Variants in PDSS2 observed in about 807,000 individuals in gnomAD.
PDSS2 encodes all trans-polyprenyl-diphosphate synthase PDSS2.
PDSS2 carries 31 observed loss-of-function variants against 44.5 expected under a neutral mutation model. The observed-to-expected ratio is 0.70, with a 90% confidence interval of 0.52 to 0.94. The LOEUF is 0.94. Ranked by LOEUF, PDSS2 falls within the 40% of genes least tolerant of loss-of-function variation. The pLI, the probability that PDSS2 is intolerant of heterozygous loss-of-function variation, is 0.00. For missense variants in PDSS2, 452 were observed against 482.2 expected, an observed-to-expected ratio of 0.94 and a Z score of 0.59; for synonymous variants, 157 against 180.3, an observed-to-expected ratio of 0.87 and a Z score of 1.03.
intron 3 of PDSS2, among the ~76,000 whole-genome samples, chr6:107,251,920 A>T (rs1774833856): frequency 6.6e-6 from 1 of 152,332 alleles, no homozygotes; most frequent in Admixed American, 6.5e-5. Flanking sequence ...GGGACTAAAG[A>T]GTGGCACCCT....
intron 7 of PDSS2, among the ~76,000 whole-genome samples, chr6:107,182,603 G>A (rs1041646814): frequency 1.2e-4 from 19 of 152,168 alleles, no homozygotes; most frequent in African/African-American, 4.6e-4. Flanking sequence ...GGGATTACAG[G>A]CATAAACCAC....
At chr6:107,222,708 C>T (rs1043120741) in intron 4 of PDSS2, among the ~76,000 whole-genome samples, 10 of 150,956 alleles carry the variant, frequency 6.6e-5, no homozygotes, top group Middle Eastern at 3.2e-3. Flanking sequence ...CAAGATTAGA[C>T]CGTAGTATGT....
chr6:107,360,407 T>A (rs1293064734), intron 1 of PDSS2, among the ~76,000 whole-genome samples: 2 of 152,134 alleles, frequency 1.3e-5, no homozygotes, highest in Non-Finnish European at 2.9e-5. Context: ...AAAAAGGCAC[T>A]AAGAGAGAAA....
chr6:107,224,151 A>G lies in PDSS2; in HGVS notation c.703-11869T>C, dbSNP rs532400161. ...TGTGCAAGGATGAGGTAAAGTGGGG[A>G]TTGAGAAGCAACAACAATATGAGCT... On this transcript the variant is annotated intron_variant, in intron 4 of 7. Coordinates refer to ENST00000369037, the MANE Select transcript of PDSS2 (RefSeq NM_020381.4). Among the ~76,000 whole-genome samples, 194 of 151,420 alleles carry G rather than the reference A, an allele frequency of 1.3e-3. 7 individuals carry two copies. Among genetic ancestry groups the G allele is most frequent in the African/African-American group, 4.6e-3 (189 of 40,748 alleles).
chr6:107,179,757 T>C (rs1209325554), intron 7 of PDSS2, among the ~76,000 whole-genome samples: 2 of 152,144 alleles, frequency 1.3e-5, no homozygotes, highest in Non-Finnish European at 2.9e-5. Context: ...TCAGGAAAGA[T>C]GGTTAAGTAC....
intron 1 of PDSS2, among the ~76,000 whole-genome samples, chr6:107,439,645 C>T (rs1781457843): frequency 6.6e-6 from 1 of 152,162 alleles, no homozygotes; most frequent in Admixed American, 6.5e-5. Context: ...TCCTGAGAAT[C>T]AGCTGAGAGG....
At position 107,247,391 on chromosome 6, in the gene PDSS2, A is replaced by G. The variant is rs533551051; in HGVS notation, c.631-1772T>C. 3.3e-5 allele frequency among the ~76,000 whole-genome samples: 5 copies of G among 152,348 alleles called. No individual in the cohort carries two copies. The East Asian group carries it at 9.6e-4, about 29-fold the overall frequency. The stretch of plus-strand genomic sequence containing the variant: ...AAATTCCAGACCAGGCAGAAGCAAC[A>G]AGAACATTTTGTTCTCTGACTCTTT... On this transcript the variant is annotated intron_variant, in intron 3 of 7. Coordinates refer to ENST00000369037, the MANE Select transcript of PDSS2 (RefSeq NM_020381.4).
At chr6:107,189,761 T>C (rs551496301) in intron 7 of PDSS2, among the ~76,000 whole-genome samples, 2 of 152,278 alleles carry the variant, frequency 1.3e-5, no homozygotes, top group South Asian at 4.1e-4. Flanking sequence ...TGCACCATAT[T>C]TTTCTCTTTG....
intron 2 of PDSS2, among the ~76,000 whole-genome samples, chr6:107,308,587 G>GTA (rs1460018481): frequency 6.6e-6 from 1 of 152,178 alleles, no homozygotes; most frequent in Non-Finnish European, 1.5e-5. Context: ...TGCTGTAGGG[G>GTA]TACACAGTTA....
At chr6:107,270,495 T>C (rs779248858) in intron 3 of PDSS2, among the ~76,000 whole-genome samples, 5 of 152,180 alleles carry the variant, frequency 3.3e-5, no homozygotes, top group Middle Eastern at 3.2e-3. Context: ...TCCCAAATCA[T>C]ATAGTTCAGT....
At chr6:107,232,387 C>T (rs73763769) in intron 4 of PDSS2, among the ~76,000 whole-genome samples, 45 of 152,250 alleles carry the variant, frequency 3.0e-4, no homozygotes, top group African/African-American at 1.1e-3. Flanking sequence ...ATTCCTTGGA[C>T]AGATTAAGGC....
intron 4 of PDSS2, among the ~76,000 whole-genome samples, chr6:107,235,270 C>T: frequency 6.6e-6 from 1 of 152,162 alleles, no homozygotes; most frequent in East Asian, 1.9e-4. Flanking sequence ...TCCCTAAAGT[C>T]TTCGGCTGAG....
chr6:107,350,680 C>T (rs1053777897), intron 1 of PDSS2, among the ~76,000 whole-genome samples: 88 of 152,166 alleles, frequency 5.8e-4, no homozygotes, highest in African/African-American at 2.0e-3. Flanking sequence ...CATGGTGGCA[C>T]ATGCCTGTCA....
intron 5 of PDSS2, among the ~76,000 whole-genome samples, chr6:107,210,816 CA>C (rs1190043568): frequency 1.3e-5 from 2 of 150,848 alleles, no homozygotes; most frequent in African/African-American, 4.9e-5. Flanking sequence ...CCAGCCTGGT[CA>C]AAATGGCGAA....
chr6:107,216,547 G>A (rs1018896960), intron 4 of PDSS2, among the ~76,000 whole-genome samples: 1 of 151,766 alleles, frequency 6.6e-6, no homozygotes, highest in African/African-American at 2.4e-5. Context: ...AACTGAATGC[G>A]CAAAACTGAA....
chr6:107,344,779 G>A (rs1778189199), intron 1 of PDSS2, among the ~76,000 whole-genome samples: 1 of 152,134 alleles, frequency 6.6e-6, no homozygotes, highest in African/African-American at 2.4e-5. Flanking sequence ...TTAAAAAGAA[G>A]TATAAAATGT....
rs532080445 is a variant in PDSS2, at chr6:107,180,483, G to T, written c.1041+13339C>A. Reference sequence around the variant, plus strand: ...ATTAAATATTCCTTATGAATTAGAAGAACAGAGGTTAGGCAAAAACGCGCA... The same window carrying T: ...ATTAAATATTCCTTATGAATTAGAATAACAGAGGTTAGGCAAAAACGCGCA... On this transcript the variant is annotated intron_variant, in intron 7 of 7. Coordinates refer to ENST00000369037, the MANE Select transcript of PDSS2 (RefSeq NM_020381.4). Among the ~76,000 whole-genome samples the T allele has an allele frequency of 1.7e-4, 26 of 152,298 alleles. No homozygotes were observed. The South Asian group carries it at 1.9e-3, about 11-fold the overall frequency.
Position 107,259,297 on chromosome 6 carries a change from G to A in PDSS2, c.631-13678C>T, listed in dbSNP as rs143079275. Reference sequence around the variant, plus strand: ...TAATAGATGGATGAATGAATGATCTGAATTTGGAATTCTGAGAGGTAAAAT... The same window carrying A: ...TAATAGATGGATGAATGAATGATCTAAATTTGGAATTCTGAGAGGTAAAAT... On this transcript the variant is annotated intron_variant, in intron 3 of 7. Coordinates refer to ENST00000369037, the MANE Select transcript of PDSS2 (RefSeq NM_020381.4). Among the ~76,000 whole-genome samples the A allele has an allele frequency of 1.3e-3, 194 of 152,232 alleles. 1 individual carries two copies. Among genetic ancestry groups the A allele is most frequent in the Non-Finnish European group, 2.0e-3 (138 of 68,006 alleles).
At chr6:107,201,909 A>T (rs1772792542) in intron 6 of PDSS2, among the ~76,000 whole-genome samples, 1 of 152,220 alleles carries the variant, frequency 6.6e-6, no homozygotes, top group Non-Finnish European at 1.5e-5. Flanking sequence ...CTAACACCTT[A>T]CCACTTCTGT....
Sources: gnomAD v4.1 joint callset for allele counts (sites outside exome capture counted in the v4.1 genomes callset) on GRCh38, gnomAD v4.1.1 for gene constraint, MANE v1.5 for transcripts, NCBI Gene and HGNC (gene_info 2026-07-23, HGNC 2026-07-21) for gene names.